PDE11A: variants seen among roughly 807,000 people sequenced by gnomAD.
The protein encoded by PDE11A is phosphodiesterase 11A, also known as dual 3',5'-cyclic-AMP and -GMP phosphodiesterase 11A.
In PDE11A, 100 loss-of-function variants were observed where a neutral mutation model predicts 100.5. That is an observed-to-expected ratio of 1.00 (90% confidence interval 0.85 to 1.18). The LOEUF (loss-of-function observed/expected upper bound fraction) is 1.18, where lower values mean the gene tolerates loss of function less well. Among genes scored for constraint, PDE11A ranks in the 50% most tolerant of loss-of-function variants. PDE11A has a pLI of 0.00. For missense variants in PDE11A, 1,141 were observed against 1,152.6 expected (o/e 0.99, Z 0.15); for synonymous variants, 381 against 420.8 (o/e 0.91, Z 1.16).
chr2:177,827,766 A>G (rs980146851), intron 6 of PDE11A, among the ~76,000 whole-genome samples: 1 of 152,256 alleles, frequency 6.6e-6, no homozygotes, highest in Non-Finnish European at 1.5e-5. Context: ...GAAAGCAAGG[A>G]CAGAATGATT....
chr2:177,998,237 T>C (rs547767681), intron 2 of PDE11A: 1 of 830,610 alleles, frequency 1.2e-6, no homozygotes, highest in South Asian at 1.3e-5. Flanking sequence ...CGTGTTTGGA[T>C]TCAGTTAGTA....
At chr2:177,936,739 G>A (rs2085278580) in intron 2 of PDE11A, among the ~76,000 whole-genome samples, 1 of 152,096 alleles carries the variant, frequency 6.6e-6, no homozygotes, top group African/African-American at 2.4e-5. Flanking sequence ...TGGCCAACAT[G>A]GTGAAACCCT....
rs140859787 is a variant in PDE11A, at chr2:177,875,973, G to A, written c.1303-50C>T. 2.6e-4 allele frequency: 264 copies of A among 1,030,996 alleles called. 4 individuals carry two copies. The highest frequency in any genetic ancestry group is 1.9e-3 in the South Asian group (148 of 78,978). The allele number at this position is 1,030,996 out of a possible 1,614,324, so 63.9% of individuals were successfully genotyped here. On this transcript the variant is annotated intron_variant, in intron 4 of 19. Transcript: ENST00000286063. ...CCAGGTCAATTAAAGCTTTATTGCC[G>A]TTTAAAATAATGTAATAAACATTTT...
intron 19 of PDE11A, among the ~76,000 whole-genome samples, chr2:177,637,649 T>C (rs2080060966): frequency 6.6e-6 from 1 of 150,472 alleles, no homozygotes; most frequent in African/African-American, 2.4e-5. Context: ...CTTGGCTTCA[T>C]TGAGAATCTT....
rs62184550 is a variant in PDE11A at position 177,832,554 on chromosome 2, C to T, written c.1500+7697G>A. On this transcript the variant is annotated intron_variant, in intron 6 of 19. Transcript: ENST00000286063. ...GTTAATACTCCTTAATACTCACATCCATCTATCTATCTATCTATCTATCTA... is the reference window on the plus strand; with the variant it reads ...GTTAATACTCCTTAATACTCACATCTATCTATCTATCTATCTATCTATCTA... Among the ~76,000 whole-genome samples, 804 of 146,394 alleles carry T rather than the reference C, an allele frequency of 5.5e-3. 6 individuals are homozygous for T. The highest frequency in any genetic ancestry group is 9.8e-3 in the Non-Finnish European group (653 of 66,744).
At chr2:177,794,293 G>A (rs527973703) in intron 9 of PDE11A, among the ~76,000 whole-genome samples, 1 of 152,324 alleles carries the variant, frequency 6.6e-6, no homozygotes, top group Admixed American at 6.5e-5. Flanking sequence ...GGGTGCAAGT[G>A]CAAAGGTCCT....
chr2:177,641,426 C>CAAAAAAAAA (rs3056858), intron 19 of PDE11A, among the ~76,000 whole-genome samples: 1 of 136,080 alleles, frequency 7.3e-6, no homozygotes, highest in Non-Finnish European at 1.6e-5. Context: ...TTTACTGAGT[C>CAAAAAAAAA]AAAAAAAAAA....
intron 13 of PDE11A, 58 bp downstream of exon 13, chr2:177,711,711 C>T: frequency 1.0e-6 from 1 of 958,966 alleles, no homozygotes; most frequent in South Asian, 1.3e-5. Flanking sequence ...CATTCGTCAC[C>T]TTTGGCTCTG....
At chr2:177,759,411 C>T (rs532567475) in intron 10 of PDE11A, among the ~76,000 whole-genome samples, 5 of 152,258 alleles carry the variant, frequency 3.3e-5, no homozygotes, top group African/African-American at 9.6e-5. Context: ...ACTTCATATT[C>T]CCCCAAATAG....
intron 5 of PDE11A, among the ~76,000 whole-genome samples, chr2:177,853,714 T>TGTGTGTGTGTGTTTGTG (rs1558974124): frequency 4.9e-4 from 8 of 16,300 alleles, no homozygotes; most frequent in African/African-American, 1.4e-3. Context: ...GTGTGTGTGT[T>TGTGTGTGTGTGTTTGTG]TGTGTGTGTG....
chr2:178,068,213 G>A (rs1339208052), intron 1 of PDE11A, among the ~76,000 whole-genome samples: 1 of 151,540 alleles, frequency 6.6e-6, no homozygotes, highest in African/African-American at 2.4e-5. Flanking sequence ...GATCTGGACT[G>A]GATACCTAAA....
chr2:177,771,977 G>T (rs1473701877), intron 9 of PDE11A, among the ~76,000 whole-genome samples: 1 of 151,720 alleles, frequency 6.6e-6, no homozygotes, highest in African/African-American at 2.4e-5. Flanking sequence ...ACTACAGTCT[G>T]GGTGACAGAG....
At chr2:177,862,626 A>G (rs2083962647) in intron 5 of PDE11A, among the ~76,000 whole-genome samples, 1 of 151,934 alleles carries the variant, frequency 6.6e-6, no homozygotes, top group Non-Finnish European at 1.5e-5. Flanking sequence ...AACTTTAACC[A>G]TGGAGGTGAA....
intron 2 of PDE11A, among the ~76,000 whole-genome samples, chr2:177,997,022 AT>A (rs2086084449): frequency 6.6e-6 from 1 of 152,224 alleles, no homozygotes; most frequent in South Asian, 2.1e-4. Context: ...TTTACCTTGG[AT>A]ACAACCATGG....
intron 13 of PDE11A, chr2:177,702,812 G>T (rs2081220630): frequency 6.6e-6 from 1 of 151,996 alleles, no homozygotes; most frequent in Non-Finnish European, 1.5e-5. Flanking sequence ...ATTTTTCTTA[G>T]GTGCTTAGTA....
chr2:178,052,870 T>C (rs1205675945), intron 1 of PDE11A, among the ~76,000 whole-genome samples: 1 of 151,944 alleles, frequency 6.6e-6, no homozygotes, highest in Non-Finnish European at 1.5e-5. Flanking sequence ...AGGCAATAAT[T>C]AAGAGCCTAC....
intron 5 of PDE11A, among the ~76,000 whole-genome samples, chr2:177,848,020 C>T (rs1369369772): frequency 2.0e-5 from 3 of 151,948 alleles, no homozygotes; most frequent in Admixed American, 1.3e-4. Flanking sequence ...GTAGCCAACA[C>T]ATTAACTGTA....
intron 2 of PDE11A, among the ~76,000 whole-genome samples, chr2:177,971,279 C>T (rs2085767548): frequency 6.6e-6 from 1 of 152,134 alleles, no homozygotes; most frequent in African/African-American, 2.4e-5. Context: ...TTTACTTTTC[C>T]TTTTCTTTTC....
intron 2 of PDE11A, among the ~76,000 whole-genome samples, chr2:177,996,961 G>C (rs1241588675): frequency 1.3e-5 from 2 of 152,172 alleles, no homozygotes; most frequent in African/African-American, 4.8e-5. Flanking sequence ...TAATGATATT[G>C]CAAAAACAAC....
Sources: allele counts gnomAD v4.1 joint callset (sites outside exome capture counted in the v4.1 genomes callset), GRCh38; gene constraint gnomAD v4.1.1; transcripts MANE v1.5; gene names NCBI Gene and HGNC (gene_info 2026-07-23, HGNC 2026-07-21).